HPCAL1: variants seen among roughly 807,000 people sequenced by gnomAD.
HPCAL1 encodes the protein hippocalcin like 1.
A neutral mutation model predicts 17.1 loss-of-function variants in HPCAL1; 8 were observed. The observed-to-expected ratio is 0.47, with a 90% CI of 0.27 to 0.84. HPCAL1 has a LOEUF of 0.84. Among genes scored for constraint, HPCAL1 ranks in the 40% least tolerant of loss-of-function variants. The pLI is 0.13. For missense variants in HPCAL1, 165 were observed against 271.1 expected, an observed-to-expected ratio of 0.61 and a Z score of 2.75; for synonymous variants, 112 against 111.4, an observed-to-expected ratio of 1.01 and a Z score of -0.03.
chr2:10,422,922 C>T (rs1263304784), intron 3 of HPCAL1, 61 bp from the exon 4 acceptor site: 1 of 1,263,268 alleles, frequency 7.9e-7, no homozygotes, highest in East Asian at 2.4e-5. Flanking sequence ...GAAGCCCACC[C>T]TTGCTGCACC....
intron 1 of HPCAL1, among the ~76,000 whole-genome samples, chr2:10,370,718 T>G (rs952137200): frequency 1.3e-5 from 2 of 152,220 alleles, no homozygotes; most frequent in Non-Finnish European, 2.9e-5. Context: ...GAGCCACCCA[T>G]ACAGGTGTAC....
At chr2:10,313,606 A>G (rs1304434774) in intron 1 of HPCAL1, among the ~76,000 whole-genome samples, 1 of 152,224 alleles carries the variant, frequency 6.6e-6, no homozygotes, top group East Asian at 1.9e-4. Flanking sequence ...TAGGGTTGGC[A>G]GAGTGACTCC....
Position 10,412,859 on chromosome 2 carries a change from T to G in HPCAL1, c.-24-6875T>G, listed in dbSNP as rs186412281. Among the ~76,000 whole-genome samples the G allele has an allele frequency of 2.2e-3, 330 of 152,248 alleles. 1 individual carries two copies. Among genetic ancestry groups the G allele is most frequent in the Admixed American group, 4.4e-3 (68 of 15,304 alleles). On this transcript the variant is annotated intron_variant, in intron 2 of 4. Coordinates refer to ENST00000307845, the MANE Select transcript of HPCAL1 (RefSeq NM_002149.4). Reference sequence around the variant, plus strand: ...TCTCCCTGCCCACTTCCCACTGATATGTGTTGGGGCTTGTGGATGTGATCA... The same window carrying G: ...TCTCCCTGCCCACTTCCCACTGATAGGTGTTGGGGCTTGTGGATGTGATCA...
At chr2:10,309,491 T>C (rs1558447043) in intron 1 of HPCAL1, among the ~76,000 whole-genome samples, 1 of 152,234 alleles carries the variant, frequency 6.6e-6, no homozygotes, top group Non-Finnish European at 1.5e-5. Flanking sequence ...TGGCCTTGCC[T>C]GGGCTGGTGT....
chr2:10,371,220 C>T (rs944314067), intron 1 of HPCAL1, among the ~76,000 whole-genome samples: 1 of 152,112 alleles, frequency 6.6e-6, no homozygotes. Context: ...TGGCTGGCCA[C>T]CGGGGTTGGA....
At chr2:10,346,812 C>T (rs1665488252) in intron 1 of HPCAL1, among the ~76,000 whole-genome samples, 1 of 152,032 alleles carries the variant, frequency 6.6e-6, no homozygotes, top group Non-Finnish European at 1.5e-5. Context: ...TCTTTGTGCT[C>T]CTCCACTGCT....
rs921410742 is a variant in HPCAL1 at position 10,354,597 on chromosome 2, C to A, written c.-110-42238C>A. On this transcript the variant is annotated intron_variant, in intron 1 of 4. Coordinates refer to ENST00000307845, the MANE Select transcript of HPCAL1 (RefSeq NM_002149.4). The surrounding 1 kb of genome is among the most constrained non-coding windows in gnomAD (Gnocchi z 5.1). ...CACAGCCATGGCCGAGGTGTCGGGA[C>A]TCAAATTCCGGGCCCTTGGCTGTGC... is the stretch of plus-strand genomic sequence containing the variant. Among the ~76,000 whole-genome samples the A allele has an allele frequency of 3.9e-5, 6 of 152,240 alleles. No homozygotes were observed. The highest frequency in any genetic ancestry group is 1.2e-4 in the African/African-American group (5 of 41,460).
chr2:10,416,124 CCTCAGGG>C (rs1296737976), intron 2 of HPCAL1, among the ~76,000 whole-genome samples: 1 of 152,244 alleles, frequency 6.6e-6, no homozygotes, highest in African/African-American at 2.4e-5. Context: ...GTTCCCACCA[CCTCAGGG>C]CTTAGCGGCA....
rs1375490132 is a variant in HPCAL1, at chr2:10,320,149, C to T, written c.-111+16972C>T. On this transcript the variant is annotated intron_variant, in intron 1 of 4. Transcript: ENST00000307845. ...CACTGCTGGGCCACTGATGCCTGAG[C>T]TCCTGTGGCCTGGCTGTCTGCAGGG... Among the ~76,000 whole-genome samples, 8 of 152,272 alleles carry T rather than the reference C, an allele frequency of 5.3e-5. 1 individual carries two copies. Among genetic ancestry groups the T allele is most frequent in the Admixed American group, 5.2e-4 (8 of 15,298 alleles).
At chr2:10,381,861 A>C (rs1667959836) in intron 1 of HPCAL1, among the ~76,000 whole-genome samples, 1 of 152,318 alleles carries the variant, frequency 6.6e-6, no homozygotes, top group East Asian at 1.9e-4. Context: ...CAGTTTGACA[A>C]ATCCTTAGAA....
At position 10,395,210 on chromosome 2, in the gene HPCAL1, A is replaced by T. The variant is rs1036046495; in HGVS notation, c.-110-1625A>T. On this transcript the variant is annotated intron_variant, in intron 1 of 4. Transcript: ENST00000307845. This position sits in a 1 kb window ranked among gnomAD's most constrained non-coding sequence, Gnocchi z 4.4. ...TGCAGTGAGAATTTCTGGTGGGAAGATGTATGACTTTGTCAGGTCTTGAAT... is the reference window on the plus strand; with the variant it reads ...TGCAGTGAGAATTTCTGGTGGGAAGTTGTATGACTTTGTCAGGTCTTGAAT... Among the ~76,000 whole-genome samples, 5 of 151,928 alleles carry T rather than the reference A, an allele frequency of 3.3e-5. No individual in the cohort carries two copies. The highest frequency in any genetic ancestry group is 7.4e-5 in the Non-Finnish European group (5 of 68,010).
chr2:10,424,471 C>G (rs1221230576), intron 4 of HPCAL1: 1 of 470,348 alleles, frequency 2.1e-6, no homozygotes, highest in Non-Finnish European at 4.4e-6. Flanking sequence ...TGCCTTAAAG[C>G]TTTTAGCAGG....
chr2:10,386,191 GC>G (rs1668299240), intron 1 of HPCAL1, among the ~76,000 whole-genome samples: 1 of 152,090 alleles, frequency 6.6e-6, no homozygotes, highest in African/African-American at 2.4e-5. Context: ...CTTCCATCTT[GC>G]CTGGGCCACC....
intron 2 of HPCAL1, among the ~76,000 whole-genome samples, chr2:10,400,988 C>T (rs918738736): frequency 2.0e-5 from 3 of 152,208 alleles, no homozygotes; most frequent in African/African-American, 2.4e-5. Flanking sequence ...TGAGCAAGAC[C>T]GGCCTAGCCT....
At chr2:10,370,188 G>T (rs1372603692) in intron 1 of HPCAL1, among the ~76,000 whole-genome samples, 1 of 152,204 alleles carries the variant, frequency 6.6e-6, no homozygotes, top group Admixed American at 6.5e-5. Flanking sequence ...TTCAGTAGTG[G>T]CTCCCTTCCC....
intron 1 of HPCAL1, among the ~76,000 whole-genome samples, chr2:10,374,569 A>G (rs559311310): frequency 7.4e-4 from 112 of 152,310 alleles, no homozygotes; most frequent in African/African-American, 2.6e-3. Flanking sequence ...CATGCGGGGG[A>G]CAGGGCAAGA....
chr2:10,416,607 T>C (rs1342182823), intron 2 of HPCAL1, among the ~76,000 whole-genome samples: 9 of 152,102 alleles, frequency 5.9e-5, no homozygotes, highest in Admixed American at 2.6e-4. Flanking sequence ...GATCCCTATC[T>C]CTACAAACAA....
chr2:10,389,493 C>G (rs1441357467), intron 1 of HPCAL1, among the ~76,000 whole-genome samples: 2 of 152,238 alleles, frequency 1.3e-5, no homozygotes, highest in Non-Finnish European at 2.9e-5. Context: ...CAGGAGCCAT[C>G]TGTACACCAG....
At chr2:10,353,601 T>C (rs1192015332) in intron 1 of HPCAL1, among the ~76,000 whole-genome samples, 1 of 152,184 alleles carries the variant, frequency 6.6e-6, no homozygotes, top group Non-Finnish European at 1.5e-5. Context: ...AGGATCTTGC[T>C]CTCTCACCCA....
Sources: gnomAD v4.1 joint callset for allele counts (sites outside exome capture counted in the v4.1 genomes callset) on GRCh38, gnomAD v4.1.1 for gene constraint, Gnocchi (gnomAD v3.1) non-coding constraint, MANE v1.5 for transcripts, NCBI Gene and HGNC (gene_info 2026-07-23, HGNC 2026-07-21) for gene names.